NLGN4X: variants seen among roughly 807,000 people sequenced by gnomAD.
The protein encoded by NLGN4X is neuroligin 4 X-linked.
NLGN4X carries 3 observed loss-of-function variants against 40.3 expected under a neutral mutation model. The ratio of observed to expected loss-of-function variants is 0.07; its 90% CI spans 0.03 to 0.19. The LOEUF (loss-of-function observed/expected upper bound fraction) is 0.19, where lower values mean the gene tolerates loss of function less well. NLGN4X is among the 10% of genes least tolerant of loss of function. The pLI is 1.00. For missense variants in NLGN4X, 382 were observed against 708.3 expected, an observed-to-expected ratio of 0.54 and a Z score of 5.23; for synonymous variants, 270 against 306.8, an observed-to-expected ratio of 0.88 and a Z score of 1.25.
At chrX:5,984,520 T>G (rs938047894) in intron 3 of NLGN4X, among the ~76,000 whole-genome samples, 4 of 111,471 alleles carry the variant, frequency 3.6e-5, no homozygotes, top group Non-Finnish European at 7.5e-5. Context: ...ATTGCAAATT[T>G]CAAGGTCATC....
intron 3 of NLGN4X, among the ~76,000 whole-genome samples, chrX:5,925,907 T>C (rs775157905): frequency 3.6e-4 from 15 of 42,031 alleles, no homozygotes; most frequent in South Asian, 2.4e-3. Context: ...TATATATATA[T>C]ATATATATAT....
At chrX:6,011,366 AAT>A (rs10584166) in intron 3 of NLGN4X, among the ~76,000 whole-genome samples, 27,920 of 101,125 alleles carry the variant, frequency 0.28, 3,052 homozygotes, top group Non-Finnish European at 0.31. Flanking sequence ...CAAATTCAGA[AAT>A]ATATATATAT....
At position 6,144,175 on chromosome X, in the gene NLGN4X, C is replaced by T. The variant is rs771517613; in HGVS notation, c.472+6820G>A. Among the ~76,000 whole-genome samples the T allele has an allele frequency of 6.0e-4, 67 of 110,884 alleles. 1 individual carries two copies. The highest frequency in any genetic ancestry group is 2.9e-4 in the Admixed American group (3 of 10,440). On this transcript the variant is annotated intron_variant, in intron 2 of 5. Coordinates refer to ENST00000381095, the MANE Select transcript of NLGN4X (RefSeq NM_181332.3). ...TTTAAAAATCTGAAAAATGTCTGCC[C>T]TAAAATAAGAATTGATATGATCTCC...
At chrX:6,032,627 A>T (rs1569197716) in intron 2 of NLGN4X, 2 of 765,755 alleles carry the variant, frequency 2.6e-6, no homozygotes, top group Non-Finnish European at 3.7e-6. Flanking sequence ...ATGAAAAAAA[A>T]AAAGAGAGAT....
intron 2 of NLGN4X, among the ~76,000 whole-genome samples, chrX:6,103,259 C>T (rs1299493717): frequency 2.7e-5 from 3 of 111,665 alleles, no homozygotes; most frequent in Non-Finnish European, 5.6e-5. Flanking sequence ...ATGTGATCGC[C>T]CACTCTCCCA....
At chrX:6,140,457 G>GAC (rs34281533) in intron 2 of NLGN4X, among the ~76,000 whole-genome samples, 3,301 of 95,904 alleles carry the variant, frequency 0.034, 69 homozygotes, top group African/African-American at 0.055. Context: ...TTCACACACA[G>GAC]ACACACACAC....
At chrX:6,160,707 G>A (rs1953284458) in intron 1 of NLGN4X, among the ~76,000 whole-genome samples, 1 of 108,511 alleles carries the variant, frequency 9.2e-6, no homozygotes, top group Admixed American at 1.0e-4. Flanking sequence ...ATTTTTAGTA[G>A]AGACAGGGTT....
At chrX:6,104,030 T>C (rs979135439) in intron 2 of NLGN4X, among the ~76,000 whole-genome samples, 3 of 111,932 alleles carry the variant, frequency 2.7e-5, no homozygotes, top group Non-Finnish European at 5.6e-5. Context: ...ATGCATTGTG[T>C]GTGTATGTGT....
intron 2 of NLGN4X, among the ~76,000 whole-genome samples, chrX:6,125,124 T>C (rs1422667113): frequency 8.9e-6 from 1 of 112,212 alleles, no homozygotes; most frequent in Non-Finnish European, 1.9e-5. Flanking sequence ...ATTTGTCAGA[T>C]GGGACTGAAG....
At chrX:6,046,213 T>C (rs371974115) in intron 2 of NLGN4X, among the ~76,000 whole-genome samples, 2 of 111,828 alleles carry the variant, frequency 1.8e-5, no homozygotes, top group South Asian at 7.4e-4. Flanking sequence ...AAGAGTGTAA[T>C]AGTATCGATA....
At chrX:6,008,996 G>A (rs1203925497) in intron 3 of NLGN4X, among the ~76,000 whole-genome samples, 1 of 111,549 alleles carries the variant, frequency 9.0e-6, no homozygotes, top group Non-Finnish European at 1.9e-5. Flanking sequence ...ATGTCCTCAA[G>A]GTTTATTTAT....
At chrX:6,085,937 G>T (rs2038486332) in intron 2 of NLGN4X, among the ~76,000 whole-genome samples, 1 of 112,031 alleles carries the variant, frequency 8.9e-6, no homozygotes, top group South Asian at 3.7e-4. Flanking sequence ...TTCTTCAAGG[G>T]GTTAACGATA....
At chrX:6,093,300 T>C (rs2038684945) in intron 2 of NLGN4X, among the ~76,000 whole-genome samples, 1 of 112,082 alleles carries the variant, frequency 8.9e-6, no homozygotes, top group Non-Finnish European at 1.9e-5. Flanking sequence ...TGAAAGAGTT[T>C]ATAACAAATA....
chrX:5,965,034 C>T (rs780413349), intron 3 of NLGN4X, among the ~76,000 whole-genome samples: 5 of 111,719 alleles, frequency 4.5e-5, no homozygotes, highest in Non-Finnish European at 7.5e-5. Flanking sequence ...AGAAATGATA[C>T]GCAACTGTCT....
intron 3 of NLGN4X, among the ~76,000 whole-genome samples, chrX:5,991,249 CTT>C (rs1289125914): frequency 9.6e-6 from 1 of 104,120 alleles, no homozygotes; most frequent in Admixed American, 1.0e-4. Flanking sequence ...ATTTCCTTTC[CTT>C]TTTTTTTTTC....
At chrX:6,090,805 A>G (rs185062931) in intron 2 of NLGN4X, among the ~76,000 whole-genome samples, 53 of 104,557 alleles carry the variant, frequency 5.1e-4, no homozygotes, top group Non-Finnish European at 8.7e-4. Flanking sequence ...AACTTGTGGT[A>G]GTGGTGCCAC....
At chrX:6,177,382 C>T (rs1411620744) in intron 1 of NLGN4X, among the ~76,000 whole-genome samples, 1 of 111,743 alleles carries the variant, frequency 8.9e-6, no homozygotes, top group South Asian at 3.8e-4. Flanking sequence ...TGGTCTCGAA[C>T]TCCTGACCTC....
intron 3 of NLGN4X, among the ~76,000 whole-genome samples, chrX:5,944,818 C>T (rs2034073398): frequency 9.0e-6 from 1 of 111,295 alleles, no homozygotes; most frequent in African/African-American, 3.3e-5. Context: ...ATGGAAAGAA[C>T]CATCTGTTTG....
At chrX:6,187,945 AAATT>A (rs1409588565) in intron 1 of NLGN4X, among the ~76,000 whole-genome samples, 3 of 112,685 alleles carry the variant, frequency 2.7e-5, no homozygotes, top group African/African-American at 9.7e-5. Context: ...CATTTTAAAA[AAATT>A]AAGTCGGGGA....
Sources: allele counts gnomAD v4.1 joint callset (sites outside exome capture counted in the v4.1 genomes callset), GRCh38; gene constraint gnomAD v4.1.1; transcripts MANE v1.5; gene names NCBI Gene and HGNC (gene_info 2026-07-23, HGNC 2026-07-21).